PRKN: variants seen among roughly 807,000 people sequenced by gnomAD.
PRKN encodes the protein parkin RBR E3 ubiquitin protein ligase, also known as E3 ubiquitin-protein ligase parkin.
Under a neutral mutation model 59.5 loss-of-function variants are expected in PRKN, and 56 were observed. The ratio of observed to expected loss-of-function variants is 0.94; its 90% CI spans 0.76 to 1.18. The LOEUF (loss-of-function observed/expected upper bound fraction) is 1.18. Ranked by LOEUF, PRKN falls within the 50% of genes most tolerant of loss-of-function variation. The pLI, the probability that PRKN is intolerant of heterozygous loss-of-function variation, is 0.00. For synonymous variants in PRKN, 250 were observed against 222.1 expected (o/e 1.13, Z -1.12); for missense variants, 657 against 596.4 (o/e 1.10, Z -1.06).
At chr6:162,395,391 G>A (rs944025382) in intron 2 of PRKN, among the ~76,000 whole-genome samples, 1 of 152,160 alleles carries the variant, frequency 6.6e-6, no homozygotes, top group Non-Finnish European at 1.5e-5. Context: ...AAGGCCCTTG[G>A]CCAACAGCCA....
intron 4 of PRKN, among the ~76,000 whole-genome samples, chr6:162,200,834 G>A (rs763501298): frequency 9.9e-5 from 15 of 152,062 alleles, no homozygotes; most frequent in Admixed American, 5.9e-4. Flanking sequence ...TAATCACACC[G>A]TAACAGAAGC....
chr6:161,842,638 C>T (rs1438161364), intron 6 of PRKN, among the ~76,000 whole-genome samples: 3 of 151,866 alleles, frequency 2.0e-5, no homozygotes, highest in Middle Eastern at 3.2e-3. Flanking sequence ...GATCTCAGCT[C>T]ACTGCAACCA....
intron 1 of PRKN, among the ~76,000 whole-genome samples, chr6:162,479,510 T>A (rs921575752): frequency 1.1e-4 from 16 of 152,174 alleles, no homozygotes; most frequent in Non-Finnish European, 1.2e-4. Flanking sequence ...ATAACAGGCT[T>A]GAGCCACCAT....
chr6:162,362,473 A>G (rs1785194078), intron 2 of PRKN, among the ~76,000 whole-genome samples: 1 of 152,194 alleles, frequency 6.6e-6, no homozygotes, highest in African/African-American at 2.4e-5. Context: ...ACTTTCAAAA[A>G]TAAGGGCCGT....
intron 1 of PRKN, among the ~76,000 whole-genome samples, chr6:162,613,985 AAGAAG>A (rs565419723): frequency 2.8e-4 from 43 of 152,292 alleles, no homozygotes; most frequent in Non-Finnish European, 4.6e-4. Context: ...AAGAAACAAA[AAGAAG>A]AGAAAAGTCC....
chr6:162,650,872 T>C (rs921129187), intron 1 of PRKN, among the ~76,000 whole-genome samples: 4 of 152,184 alleles, frequency 2.6e-5, no homozygotes, highest in African/African-American at 9.7e-5. Context: ...GTTACTCACA[T>C]GTAAGGACAG....
At chr6:162,308,759 G>C (rs956241374) in intron 2 of PRKN, among the ~76,000 whole-genome samples, 4 of 152,156 alleles carry the variant, frequency 2.6e-5, no homozygotes, top group African/African-American at 7.2e-5. Flanking sequence ...TGAAAGACAA[G>C]TGAATCTTCT....
intron 1 of PRKN, among the ~76,000 whole-genome samples, chr6:162,611,933 C>T (rs1197132557): frequency 6.6e-6 from 1 of 151,984 alleles, no homozygotes; most frequent in Non-Finnish European, 1.5e-5. Context: ...CGCCTGTAAT[C>T]CCAGCACTTT....
intron 7 of PRKN, among the ~76,000 whole-genome samples, chr6:161,633,861 T>C (rs950265616): frequency 3.3e-5 from 5 of 152,048 alleles, no homozygotes; most frequent in Non-Finnish European, 5.9e-5. Context: ...TCATACAGTA[T>C]GAGAATGGGA....
At chr6:162,527,630 G>C (rs139352748) in intron 1 of PRKN, among the ~76,000 whole-genome samples, 1 of 152,242 alleles carries the variant, frequency 6.6e-6, no homozygotes, top group South Asian at 2.1e-4. Flanking sequence ...GGTTAAAACT[G>C]ATCGAATAAA....
intron 2 of PRKN, among the ~76,000 whole-genome samples, chr6:162,408,184 C>A (rs1461857217): frequency 1.3e-5 from 2 of 151,944 alleles, no homozygotes; most frequent in African/African-American, 2.4e-5. Flanking sequence ...AATATAATAT[C>A]CCATTAGAAA....
At chr6:162,551,943 A>G (rs1169498019) in intron 1 of PRKN, among the ~76,000 whole-genome samples, 1 of 152,250 alleles carries the variant, frequency 6.6e-6, no homozygotes, top group Non-Finnish European at 1.5e-5. Flanking sequence ...AGTGTTCACT[A>G]TAAAATACAA....
At chr6:161,731,647 T>C (rs1469023137) in intron 7 of PRKN, among the ~76,000 whole-genome samples, 1 of 152,124 alleles carries the variant, frequency 6.6e-6, no homozygotes, top group Admixed American at 6.5e-5. Flanking sequence ...TCTGAAGAAA[T>C]GTGAATGGCA....
intron 7 of PRKN, among the ~76,000 whole-genome samples, chr6:161,677,880 T>G (rs888908090): frequency 1.3e-5 from 2 of 152,162 alleles, no homozygotes; most frequent in African/African-American, 4.8e-5. Flanking sequence ...GAATAATATG[T>G]TATAGAGGTG....
intron 7 of PRKN, among the ~76,000 whole-genome samples, chr6:161,772,672 C>T (rs1789745793): frequency 6.6e-6 from 1 of 152,310 alleles, no homozygotes; most frequent in African/African-American, 2.4e-5. Context: ...CAATTCTTCC[C>T]AGTCACTAGT....
In PRKN at chr6:161,445,332, C is replaced by T. The variant is rs1261145076; in HGVS notation, c.1084-58455G>A. 6.6e-6 allele frequency among the ~76,000 whole-genome samples: 1 copy of T among 152,122 alleles called. No homozygotes were observed. Among genetic ancestry groups the T allele is most frequent in the Non-Finnish European group, 1.5e-5 (1 of 68,018 alleles). Reference sequence around the variant, plus strand: ...ACCCAGGGGAGGAGGGCCACTTGGGCTGGAATGCAGTTGCTGGGGGCTCAT... The same window carrying T: ...ACCCAGGGGAGGAGGGCCACTTGGGTTGGAATGCAGTTGCTGGGGGCTCAT... On this transcript the variant is annotated intron_variant, in intron 9 of 11. Transcript: ENST00000366898. The surrounding 1 kb of genome is among the most constrained non-coding windows in gnomAD (Gnocchi z 7.7).
intron 7 of PRKN, among the ~76,000 whole-genome samples, chr6:161,731,865 ATTATG>A (rs1274771913): frequency 1.3e-5 from 2 of 152,198 alleles, no homozygotes; most frequent in Admixed American, 6.5e-5. Flanking sequence ...AAATATAAAT[ATTATG>A]TTAATAACTG....
intron 6 of PRKN, among the ~76,000 whole-genome samples, chr6:161,968,524 G>A (rs1780673524): frequency 6.6e-6 from 1 of 152,212 alleles, no homozygotes; most frequent in African/African-American, 2.4e-5. Flanking sequence ...CAGTCAGTTG[G>A]AGGCTTACAA....
At chr6:161,962,760 C>T (rs1562421903) in intron 6 of PRKN, among the ~76,000 whole-genome samples, 1 of 151,858 alleles carries the variant, frequency 6.6e-6, no homozygotes, top group Non-Finnish European at 1.5e-5. Context: ...TGGTCTTGAA[C>T]TCCTGACCTC....
Sources: allele counts gnomAD v4.1 joint callset (sites outside exome capture counted in the v4.1 genomes callset), GRCh38; gene constraint gnomAD v4.1.1; non-coding constraint Gnocchi (gnomAD v3.1); transcripts MANE v1.5; gene names NCBI Gene and HGNC (gene_info 2026-07-23, HGNC 2026-07-21).